Variants in SAMD3 observed in about 807,000 individuals in gnomAD.
SAMD3 encodes sterile alpha motif domain-containing protein 3.
A neutral mutation model predicts 58.5 loss-of-function variants in SAMD3; 63 were observed. That is an observed-to-expected ratio of 1.08 (90% CI 0.88 to 1.33). The LOEUF (loss-of-function observed/expected upper bound fraction) is 1.33, where lower values mean the gene tolerates loss of function less well. Among genes scored for constraint, SAMD3 ranks in the 40% most tolerant of loss-of-function variants. The probability of loss-of-function intolerance (pLI) is 0.00; values close to 1 mark genes in which losing one functional copy is unlikely to be tolerated. For synonymous variants in SAMD3, 220 were observed against 210.3 expected (o/e 1.05, Z -0.40); for missense variants, 604 against 608.4 (o/e 0.99, Z 0.08).
At chr6:130,301,193 C>T (rs1775735898) in intron 2 of SAMD3, among the ~76,000 whole-genome samples, 1 of 152,078 alleles carries the variant, frequency 6.6e-6, no homozygotes, top group Non-Finnish European at 1.5e-5. Flanking sequence ...TGTATATGTG[C>T]CACATTTTCT....
In SAMD3 at chr6:130,216,611, C is replaced by A. The variant is rs544125158; in HGVS notation, c.-62G>T. ...AGCTGGAAAGATAGTCTTCAAGAATCATTTCCTAGAAAACAAGTAGACTTC... is the reference window on the plus strand; with the variant it reads ...AGCTGGAAAGATAGTCTTCAAGAATAATTTCCTAGAAAACAAGTAGACTTC... On this transcript the variant is annotated 5_prime_UTR_variant, in exon 2 of 12. It removes an upstream start codon present in the reference 5' UTR. Transcript: ENST00000439090. 3 of 152,312 alleles carry A rather than the reference C, an allele frequency of 2.0e-5. 1 individual carries two copies. Among genetic ancestry groups the A allele is most frequent in the African/African-American group, 7.2e-5 (3 of 41,580 alleles). 9.4% of individuals were successfully genotyped at this position (152,312 alleles called of 1,614,324 possible).
chr6:130,252,784 C>A (rs1338547548), intron 2 of SAMD3, among the ~76,000 whole-genome samples: 1 of 152,204 alleles, frequency 6.6e-6, no homozygotes, highest in East Asian at 1.9e-4. Flanking sequence ...AGCTGTGGCA[C>A]AGGAGCAAGC....
At chr6:130,230,920 G>A (rs998657643) in intron 2 of SAMD3, among the ~76,000 whole-genome samples, 13 of 152,146 alleles carry the variant, frequency 8.5e-5, no homozygotes, top group East Asian at 1.9e-4. Context: ...TTCTGAGGCC[G>A]CTACCTTTCA....
chr6:130,162,258 T>C (rs1459631184), intron 8 of SAMD3: 1 of 701,690 alleles, frequency 1.4e-6, no homozygotes, highest in Non-Finnish European at 2.6e-6. Flanking sequence ...CTAGCCAACT[T>C]TTAGTTTAAG....
chr6:130,231,675 T>G (rs1291576474), intron 2 of SAMD3, among the ~76,000 whole-genome samples: 1 of 152,220 alleles, frequency 6.6e-6, no homozygotes, highest in Non-Finnish European at 1.5e-5. Context: ...ATTGTTTCTG[T>G]GTGTATGTGT....
chr6:130,218,166 GA>G (rs1434132295), intron 1 of SAMD3, among the ~76,000 whole-genome samples: 3 of 152,172 alleles, frequency 2.0e-5, no homozygotes, highest in Admixed American at 2.0e-4. Flanking sequence ...CAGAAGAATG[GA>G]ATTTATTGGG....
At chr6:130,215,828 T>G (rs1193359766) in intron 2 of SAMD3, 3 of 1,534,758 alleles carry the variant, frequency 2.0e-6, no homozygotes, top group Admixed American at 3.9e-5. Context: ...AGAAGGAGAT[T>G]GTAACTTGCT....
intron 5 of SAMD3, among the ~76,000 whole-genome samples, chr6:130,191,809 C>G (rs377685268): frequency 1.3e-5 from 2 of 152,242 alleles, no homozygotes; most frequent in African/African-American, 4.8e-5. Context: ...CTTAAAATCC[C>G]AAATTTGAAT....
At chr6:130,246,133 C>A (rs1304164274) in intron 2 of SAMD3, among the ~76,000 whole-genome samples, 1 of 152,088 alleles carries the variant, frequency 6.6e-6, no homozygotes, top group Non-Finnish European at 1.5e-5. Context: ...GTTCATAGAA[C>A]AATTGGGAAT....
In SAMD3 at chr6:130,331,165, T is replaced by C. The variant is rs183085656; in HGVS notation, c.-303-18072A>G. ...CAAACAAAGAAGTCACCACAGCTAATGTTATACTGGAGCTACTTCTATTAA... is the reference window on the plus strand; with the variant it reads ...CAAACAAAGAAGTCACCACAGCTAACGTTATACTGGAGCTACTTCTATTAA... On this transcript the variant is annotated intron_variant, in intron 1 of 13. Transcript: ENST00000368134. 1.2e-4 allele frequency among the ~76,000 whole-genome samples: 19 copies of C among 152,354 alleles called. No homozygotes were observed. In the East Asian group the frequency reaches 3.7e-3, roughly 29 times the overall value.
rs538869929 is a variant in SAMD3, at chr6:130,145,078, C to T, written c.1278+262G>A. ...AGTTCCAGACCAGCCTGACCAACAC[C>T]GTGAAACCCCGTCTCTACTAAAATA... is the stretch of plus-strand genomic sequence containing the variant. On this transcript the variant is annotated intron_variant, in intron 11 of 11. Transcript: ENST00000439090. 5.3e-5 allele frequency among the ~76,000 whole-genome samples: 8 copies of T among 152,106 alleles called. No individual in the cohort carries two copies. In the South Asian group the frequency reaches 6.2e-4, roughly 12 times the overall value.
intron 2 of SAMD3, among the ~76,000 whole-genome samples, chr6:130,248,893 G>A (rs1257517641): frequency 6.6e-6 from 1 of 152,110 alleles, no homozygotes; most frequent in African/African-American, 2.4e-5. Context: ...TTAATAATTA[G>A]GTGGCAATCA....
chr6:130,328,981 T>C (rs1241726784), intron 1 of SAMD3, among the ~76,000 whole-genome samples: 1 of 152,146 alleles, frequency 6.6e-6, no homozygotes, highest in African/African-American at 2.4e-5. Flanking sequence ...AGAGATTGTC[T>C]TTAGATGGCC....
Position 130,324,250 on chromosome 6 carries a change from C to T in SAMD3, c.-303-11157G>A, listed in dbSNP as rs145660058. On this transcript the variant is annotated intron_variant, in intron 1 of 13. Coordinates refer to the SAMD3 transcript ENST00000368134. Reference sequence around the variant, plus strand: ...TTAAATTAGCAGTTACCTTCGAGATCATTAGGTCAACCCTCTTATTTTCAG... The same window carrying T: ...TTAAATTAGCAGTTACCTTCGAGATTATTAGGTCAACCCTCTTATTTTCAG... Among the ~76,000 whole-genome samples the T allele has an allele frequency of 4.9e-4, 74 of 152,246 alleles. No homozygotes were observed. The East Asian group carries it at 0.013, about 27-fold the overall frequency.
chr6:130,328,529 T>C (rs1776828317), intron 1 of SAMD3, among the ~76,000 whole-genome samples: 2 of 152,198 alleles, frequency 1.3e-5, no homozygotes, highest in Admixed American at 6.5e-5. Context: ...ATGAGGAAAC[T>C]GAATCCAAGT....
At chr6:130,325,524 TCAAATG>T (rs1583108793) in intron 1 of SAMD3, among the ~76,000 whole-genome samples, 1 of 152,152 alleles carries the variant, frequency 6.6e-6, no homozygotes, top group South Asian at 2.1e-4. Context: ...GTCTACTAAT[TCAAATG>T]TTCATCTCTT....
intron 1 of SAMD3, among the ~76,000 whole-genome samples, chr6:130,327,675 A>G (rs1308378713): frequency 6.6e-6 from 1 of 152,230 alleles, no homozygotes; most frequent in Non-Finnish European, 1.5e-5. Context: ...TGGTATTTAC[A>G]ATCTGTGTGG....
rs1790786821 is a variant in SAMD3 at position 130,166,968 on chromosome 6, C to T, written c.822+8873G>A. Among the ~76,000 whole-genome samples the T allele has an allele frequency of 3.9e-5, 6 of 152,248 alleles. 1 individual carries two copies. The South Asian group carries it at 1.2e-3, about 32-fold the overall frequency. ...AGCAACTGGTCAAATTAAGTACACG[C>T]ATGCCTTGAGCCCCATCAGTTCCAC... On this transcript the variant is annotated intron_variant, in intron 8 of 11. Transcript: ENST00000439090.
At chr6:130,333,038 A>AGTGTGTGTGT (rs1167721658) in intron 1 of SAMD3, among the ~76,000 whole-genome samples, 4 of 123,118 alleles carry the variant, frequency 3.2e-5, no homozygotes, top group African/African-American at 1.3e-4. Flanking sequence ...GCCACAGTTG[A>AGTGTGTGTGT]GTATGCGTGT....
Sources: allele counts gnomAD v4.1 joint callset (sites outside exome capture counted in the v4.1 genomes callset), GRCh38; gene constraint gnomAD v4.1.1; transcripts MANE v1.5; gene names NCBI Gene and HGNC (gene_info 2026-07-23, HGNC 2026-07-21).